BAG6: variants seen among roughly 807,000 people sequenced by gnomAD.
The protein encoded by BAG6 is large proline-rich protein BAG6.
A neutral mutation model predicts 121.0 loss-of-function variants in BAG6; 22 were observed. That is an observed-to-expected ratio of 0.18 (90% CI 0.13 to 0.26). The LOEUF is 0.26. Ranked by LOEUF, BAG6 falls within the 10% of genes least tolerant of loss-of-function variation. The pLI, the probability that BAG6 is intolerant of heterozygous loss-of-function variation, is 1.00. For synonymous variants in BAG6, 583 were observed against 584.6 expected (o/e 1.00, Z 0.04); for missense variants, 1,233 against 1,537.7 (o/e 0.80, Z 3.31).
chr6:31,644,217 A>G lies in BAG6; in HGVS notation c.1556-23T>C, dbSNP rs190687447. 36 of 1,605,112 alleles carry G rather than the reference A, an allele frequency of 2.2e-5. No individual in the cohort carries two copies. In the East Asian group the frequency reaches 7.7e-4, roughly 34 times the overall value. ...GTCCTGTGGGTGGCAGAAGAGACAG[A>G]CCGAAGAGGGCTGAGGGCCAGGCCC... On this transcript the variant is annotated intron_variant, in intron 12 of 25. Transcript: ENST00000676615. This position sits in a 1 kb window ranked among gnomAD's most constrained non-coding sequence, Gnocchi z 4.9.
At position 31,648,796 on chromosome 6, in the gene BAG6, A is replaced by G. The variant is rs547911999; in HGVS notation, c.478-45T>C. On this transcript the variant is annotated intron_variant, in intron 5 of 25. Transcript: ENST00000676615. ...ATCAGGGTAGGTTACAGATGAAGCC[A>G]TGAGTTCTACCACCTACTAAATCAG... 4 of 1,611,214 alleles carry G rather than the reference A, an allele frequency of 2.5e-6. No individual in the cohort carries two copies. The South Asian group carries it at 3.3e-5, about 13-fold the overall frequency.
rs776309022 is a variant in BAG6 at position 31,645,603 on chromosome 6, T to C, written c.920A>G (p.His307Arg). The change falls in exon 9 of 26, where the codon CAC becomes CGC. Residue 307 changes from histidine to arginine, a missense_variant and splice_region_variant. Physicochemically the swap from His to Arg is conservative, Grantham distance 29 (BLOSUM62 0). Transcript: ENST00000676615. ...CCGCTGATCCTCCTCCCGGCCCTCG[T>C]GCTGCGCACAACCAGCCAAACACAA... Reference protein sequence around the residue: ...AAATTDYNNNHEGREEDQRLI... With the variant: ...AAATTDYNNNREGREEDQRLI... 6.2e-7 allele frequency: 1 copy of C among 1,612,954 alleles called. No homozygotes were observed. The highest frequency in any genetic ancestry group is 1.7e-5 in the Admixed American group (1 of 60,002).
rs1782124684 is a variant in BAG6 at position 31,640,947 on chromosome 6, C to G, written c.2788-9G>C. The G allele has an allele frequency of 1.2e-6, 2 of 1,610,658 alleles. No homozygotes were observed. Among genetic ancestry groups the G allele is most frequent in the African/African-American group, 1.3e-5 (1 of 74,824 alleles). On this transcript the variant is annotated splice_polypyrimidine_tract_variant and intron_variant, in intron 20 of 25. Coordinates refer to ENST00000676615, the MANE Select transcript of BAG6 (RefSeq NM_001387994.1). This position sits in a 1 kb window ranked among gnomAD's most constrained non-coding sequence, Gnocchi z 4.2. The stretch of plus-strand genomic sequence containing the variant: ...CCACGAGACATACGACGCTGAGGGA[C>G]AGAAAGCAGATTTAGAACACAAAAC...
chr6:31,640,818 C>T lies in BAG6; in HGVS notation c.2908G>A (p.Val970Ile), dbSNP rs138969324. ...TGGGGGGGATCACCAACCCTGCGAA[C>T]GTATCTGAGAATGGCATCAGGGCCT... ...PVGPDAILRYVRRVGDPPQPL... is the reference protein window; with the variant it reads ...PVGPDAILRYIRRVGDPPQPL... Residue 970 changes from valine (V) to isoleucine (I), a missense_variant, in exon 21 of 26, where the codon GTT becomes ATT. By Grantham distance (29) the Val-to-Ile change is conservative. This residue lies in a region of BAG6 where 288 missense variants were observed against 483.1 expected (regional missense o/e 0.60). Coordinates refer to ENST00000676615, the MANE Select transcript of BAG6 (RefSeq NM_001387994.1). This position sits in a 1 kb window ranked among gnomAD's most constrained non-coding sequence, Gnocchi z 4.2. 2.3e-5 allele frequency: 37 copies of T among 1,612,572 alleles called. No individual in the cohort carries two copies. The highest frequency in any genetic ancestry group is 3.1e-5 in the Non-Finnish European group (36 of 1,180,034).
chr6:31,650,170 CA>C (rs1181642692), intron 2 of BAG6, among the ~76,000 whole-genome samples: 5 of 149,066 alleles, frequency 3.4e-5, no homozygotes, highest in South Asian at 2.1e-4. Flanking sequence ...GGATGAAAAA[CA>C]AAAAAAAAAC....
intron 25 of BAG6, 70 bp downstream of exon 25, chr6:31,639,430 G>A: frequency 6.4e-7 from 1 of 1,560,700 alleles, no homozygotes; most frequent in Non-Finnish European, 8.7e-7. Flanking sequence ...TCGCTGAAGG[G>A]ATCCAGGGAA....
chr6:31,647,517 G>C, intron 7 of BAG6, 74 bp downstream of exon 7: 1 of 1,580,144 alleles, frequency 6.3e-7, no homozygotes, highest in Non-Finnish European at 8.6e-7. Context: ...TCCCTCCCTT[G>C]CCATGGTTCA....
Position 31,641,420 on chromosome 6 carries a change from G to C in BAG6, c.2562C>G (p.Ser854=), listed in dbSNP as rs73398228. ...GLEEYVRESF[S]LVQVQPGVDI... ...CCACACCTGGCTGAACCTGCACCAA[G>C]GACTGAGAGACAAGATAACACAAAG... Residue 854 remains serine (S), a splice_region_variant and synonymous_variant, in exon 19 of 26, where the codon TCC becomes TCG. Coordinates refer to ENST00000676615, the MANE Select transcript of BAG6 (RefSeq NM_001387994.1). This position sits in a 1 kb window ranked among gnomAD's most constrained non-coding sequence, Gnocchi z 5.7. The C allele has an allele frequency of 1.2e-6, 2 of 1,614,194 alleles. No individual in the cohort carries two copies. Among genetic ancestry groups the C allele is most frequent in the African/African-American group, 1.3e-5 (1 of 75,032 alleles).
intron 14 of BAG6, among the ~76,000 whole-genome samples, 153 bp from the exon 15 acceptor site, chr6:31,643,268 C>A (rs1784787786): frequency 6.6e-6 from 1 of 151,242 alleles, no homozygotes; most frequent in Non-Finnish European, 1.5e-5. Context: ...AAAAAAAAGA[C>A]AATTACTAGC....
chr6:31,649,732 T>C, intron 2 of BAG6, 105 bp from the exon 3 acceptor site: 1 of 895,280 alleles, frequency 1.1e-6, no homozygotes, highest in Non-Finnish European at 1.8e-6. Flanking sequence ...CACCACAGAA[T>C]CACTACCCGT....
chr6:31,640,617 C>T lies in BAG6; in HGVS notation c.2994+28G>A. ...CAGCCCTCCACTCCACATTATCTGG[C>T]CCCTCAACCTCCCCCTCTCTAGAGT... On this transcript the variant is annotated intron_variant, in intron 22 of 25. Coordinates refer to ENST00000676615, the MANE Select transcript of BAG6 (RefSeq NM_001387994.1). This position sits in a 1 kb window ranked among gnomAD's most constrained non-coding sequence, Gnocchi z 4.2. 1 of 1,612,880 alleles carries T rather than the reference C, an allele frequency of 6.2e-7. No individual in the cohort carries two copies. Among genetic ancestry groups the T allele is most frequent in the Non-Finnish European group, 8.5e-7 (1 of 1,179,894 alleles).
chr6:31,651,935 G>A (rs1797240432), intron 1 of BAG6, 159 bp from the exon 2 acceptor site: 2 of 568,886 alleles, frequency 3.5e-6, no homozygotes, highest in East Asian at 2.8e-5. Flanking sequence ...CCGGGGCACA[G>A]GGAGAGAAAC....
chr6:31,639,655 C>T lies in BAG6; in HGVS notation c.3247-9G>A. 6.2e-7 allele frequency: 1 copy of T among 1,602,172 alleles called. No individual in the cohort carries two copies. The highest frequency in any genetic ancestry group is 8.5e-7 in the Non-Finnish European group (1 of 1,173,176). On this transcript the variant is annotated splice_polypyrimidine_tract_variant and intron_variant, in intron 24 of 25. Transcript: ENST00000676615. ...CCCTCACCCTGCATCGTCTGGGGGA[C>T]AGGGGGTTGGGAGGGAAAAGAGGAT... is the stretch of plus-strand genomic sequence containing the variant.
chr6:31,641,007 T>C lies in BAG6; in HGVS notation c.2788-69A>G. On this transcript the variant is annotated intron_variant, in intron 20 of 25. Coordinates refer to ENST00000676615, the MANE Select transcript of BAG6 (RefSeq NM_001387994.1). This position sits in a 1 kb window ranked among gnomAD's most constrained non-coding sequence, Gnocchi z 5.7. ...CCTTTAGAAATAGATTAGATCCAGG[T>C]TACAGAATGTCAGTTTAGAAAAGAA... is the stretch of plus-strand genomic sequence containing the variant. The C allele has an allele frequency of 6.3e-7, 1 of 1,599,590 alleles. No homozygotes were observed. The highest frequency in any genetic ancestry group is 8.5e-7 in the Non-Finnish European group (1 of 1,172,838).
At position 31,639,637 on chromosome 6, in the gene BAG6, C is replaced by T; in HGVS notation, c.3256G>A (p.Gly1086Ser). 6.2e-7 allele frequency: 1 copy of T among 1,610,442 alleles called. No individual in the cohort carries two copies. Among genetic ancestry groups the T allele is most frequent in the East Asian group, 2.2e-5 (1 of 44,788 alleles). Reference sequence around the variant, plus strand: ...GAGAGAAGCAGCTGGGGGCCCTCACCCTGCATCGTCTGGGGGACAGGGGGT... The same window carrying T: ...GAGAGAAGCAGCTGGGGGCCCTCACTCTGCATCGTCTGGGGGACAGGGGGT... ...MPAKRRKTMQ[G>S]EGPQLLLSEA... The change falls in exon 25 of 26, where the codon GGT (glycine) becomes AGT (serine). Residue 1086 changes from glycine to serine, a missense_variant. Coordinates refer to ENST00000676615, the MANE Select transcript of BAG6 (RefSeq NM_001387994.1).
At chr6:31,649,696 G>A (rs982431042) in intron 2 of BAG6, 69 bp from the exon 3 acceptor site, 107 of 1,405,392 alleles carry the variant, frequency 7.6e-5, no homozygotes, top group Middle Eastern at 1.8e-4. Flanking sequence ...ACAGACAACC[G>A]AGTTGTGGAG....
In BAG6 at chr6:31,647,654, G is replaced by A. The variant is rs775613565; in HGVS notation, c.725C>T (p.Pro242Leu). The A allele has an allele frequency of 8.7e-6, 14 of 1,604,592 alleles. No homozygotes were observed. The highest frequency in any genetic ancestry group is 1.7e-4 in the Middle Eastern group (1 of 6,058). The stretch of plus-strand genomic sequence containing the variant: ...TGGGGCTGGGCCAGGAGTGAGCTCC[G>A]GGTTCTGGGCTGGGGCACGCTCCTC... ...EVEERAPAQN[P>L]ELTPGPAPAG... is the part of the protein sequence containing the mutation. Residue 242 changes from proline (P) to leucine (L), a missense_variant, in exon 7 of 26, where the codon CCG becomes CTG. Transcript: ENST00000676615.
chr6:31,641,635 T>C lies in BAG6; in HGVS notation c.2506-43A>G, dbSNP rs913249286. 6.2e-7 allele frequency: 1 copy of C among 1,613,616 alleles called. No homozygotes were observed. The highest frequency in any genetic ancestry group is 1.3e-5 in the African/African-American group (1 of 75,014). On this transcript the variant is annotated intron_variant, in intron 17 of 25. Coordinates refer to ENST00000676615, the MANE Select transcript of BAG6 (RefSeq NM_001387994.1). This position sits in a 1 kb window ranked among gnomAD's most constrained non-coding sequence, Gnocchi z 5.7. ...CAGGTTTAGTTCAAAGCCTCAGTCC[T>C]CCCAAGACTTCCACCTCGACCCCAA...
chr6:31,651,804 C>G, intron 1 of BAG6, 28 bp from the exon 2 acceptor site: 2 of 1,565,062 alleles, frequency 1.3e-6, no homozygotes, highest in Non-Finnish European at 1.8e-6. Flanking sequence ...AAGGAAGGCC[C>G]GCTGTTGCCC....
Sources: allele counts gnomAD v4.1 joint callset (sites outside exome capture counted in the v4.1 genomes callset), GRCh38; gene constraint gnomAD v4.1.1; regional missense constraint gnomAD v4.1.1; non-coding constraint Gnocchi (gnomAD v3.1); transcripts MANE v1.5; gene names NCBI Gene and HGNC (gene_info 2026-07-23, HGNC 2026-07-21).